The following NCOR2 variants were observed in gnomAD, a reference collection of about 807,000 sequenced individuals.
NCOR2 encodes the protein CTG repeat protein 26.
In NCOR2, 81 loss-of-function variants were observed where a neutral mutation model predicts 262.9. That is an observed-to-expected ratio of 0.31 (90% CI 0.26 to 0.37). The LOEUF (loss-of-function observed/expected upper bound fraction) is 0.37, where lower values mean the gene tolerates loss of function less well. Ranked by LOEUF, NCOR2 falls within the 10% of genes least tolerant of loss-of-function variation. The pLI is 1.00. For synonymous variants in NCOR2, 1,659 were observed against 1,559.3 expected (o/e 1.06, Z -1.51); for missense variants, 3,385 against 3,621.4 (o/e 0.93, Z 1.68).
intron 1 of NCOR2, among the ~76,000 whole-genome samples, chr12:124,529,179 C>CAAAA (rs148397454): frequency 7.9e-4 from 41 of 52,156 alleles, no homozygotes; most frequent in African/African-American, 1.2e-3. Flanking sequence ...AACTCCGACT[C>CAAAA]AAAAAAAAAA....
intron 1 of NCOR2, among the ~76,000 whole-genome samples, chr12:124,490,290 C>T (rs1043353602): frequency 3.9e-5 from 6 of 152,202 alleles, no homozygotes; most frequent in African/African-American, 1.4e-4. Context: ...CTTCCCAACT[C>T]GCCATTCCCC....
chr12:124,396,207 T>C (rs1175278481), intron 16 of NCOR2, among the ~76,000 whole-genome samples: 2 of 151,846 alleles, frequency 1.3e-5, no homozygotes, highest in East Asian at 1.9e-4. Context: ...GGACTGCTAA[T>C]GGGTATGGGA....
intron 25 of NCOR2, 83 bp downstream of exon 27, chr12:124,354,754 G>A: frequency 7.1e-7 from 1 of 1,415,136 alleles, no homozygotes; most frequent in Non-Finnish European, 9.7e-7. Context: ...CGTGGGCCAA[G>A]ATACCCCTTC....
intron 7 of NCOR2, 71 bp from the exon 10 acceptor site, chr12:124,438,067 T>C: frequency 6.9e-7 from 1 of 1,457,226 alleles, no homozygotes; most frequent in Non-Finnish European, 9.4e-7. Flanking sequence ...GCCATCCTGT[T>C]TGCTGAGAGT....
At chr12:124,412,663 G>A (rs1388012377) in intron 13 of NCOR2, among the ~76,000 whole-genome samples, 3 of 152,216 alleles carry the variant, frequency 2.0e-5, no homozygotes, top group Non-Finnish European at 2.9e-5. Flanking sequence ...AGCCCACCTC[G>A]GGCTTAACAA....
intron 16 of NCOR2, among the ~76,000 whole-genome samples, chr12:124,391,390 G>A (rs942806947): frequency 3.3e-4 from 50 of 151,948 alleles, no homozygotes; most frequent in African/African-American, 1.1e-3. Context: ...CATTTTCCCC[G>A]AGAAACTCAG....
intron 12 of NCOR2, among the ~76,000 whole-genome samples, chr12:124,421,394 C>T (rs1384259432): frequency 6.6e-6 from 1 of 152,238 alleles, no homozygotes; most frequent in Non-Finnish European, 1.5e-5. Flanking sequence ...GGAGCCCTAA[C>T]CTAGAGTCCG....
At chr12:124,468,982 C>G (rs1287473859) in intron 4 of NCOR2, among the ~76,000 whole-genome samples, 1 of 126,418 alleles carries the variant, frequency 7.9e-6, no homozygotes, top group African/African-American at 3.0e-5. Flanking sequence ...CCCCCATCAC[C>G]CTCATCCTCA....
At chr12:124,525,282 G>T (rs1333599702) in intron 1 of NCOR2, among the ~76,000 whole-genome samples, 1 of 152,134 alleles carries the variant, frequency 6.6e-6, no homozygotes, top group Non-Finnish European at 1.5e-5. Context: ...CCTCCTTATT[G>T]TCCAGGGCCC....
At chr12:124,499,084 T>C (rs796844351), upstream of NCOR2, among the ~76,000 whole-genome samples, 11 of 152,230 alleles carry the variant, frequency 7.2e-5, no homozygotes, top group African/African-American at 2.2e-4. Context: ...GCACTGCGAA[T>C]AGGGAAAAAA....
At chr12:124,394,153 G>A (rs1414603588) in intron 16 of NCOR2, among the ~76,000 whole-genome samples, 3 of 152,254 alleles carry the variant, frequency 2.0e-5, no homozygotes, top group South Asian at 2.1e-4. Flanking sequence ...TGGAGACTGC[G>A]CCCTAAGCTA....
Position 124,482,899 on chromosome 12 carries a change from A to G in NCOR2, c.411+697T>C, listed in dbSNP as rs1334025572. Among the ~76,000 whole-genome samples, 1 of 152,194 alleles carries G rather than the reference A, an allele frequency of 6.6e-6. No homozygotes were observed. Among genetic ancestry groups the G allele is most frequent in the East Asian group, 1.9e-4 (1 of 5,198 alleles). ...CCAAGGAGCAGCCAGACTGGGCAGT[A>G]GAAGGCGGCTTTGTCATTCTAGGGG... On this transcript the variant is annotated intron_variant, in intron 3 of 46. Coordinates refer to ENST00000405201, the Ensembl canonical transcript of NCOR2. This position sits in a 1 kb window ranked among gnomAD's most constrained non-coding sequence, Gnocchi z 6.3.
rs370026007 is a variant in NCOR2 at position 124,400,462 on chromosome 12, C to T, written c.1813+39G>A. The T allele has an allele frequency of 2.5e-6, 4 of 1,600,920 alleles. No homozygotes were observed. The African/African-American group carries it at 5.4e-5, about 21-fold the overall frequency. On this transcript the variant is annotated intron_variant, in intron 15 of 46. Coordinates refer to ENST00000405201, the Ensembl canonical transcript of NCOR2. ...ATATGAGCGCAACCCGCCGTGTCTC[C>T]AGCCCCTTCCCCACCCGCATCCCTG...
At chr12:124,489,923 C>G (rs1035873275) in intron 1 of NCOR2, among the ~76,000 whole-genome samples, 1 of 152,048 alleles carries the variant, frequency 6.6e-6, no homozygotes, top group African/African-American at 2.4e-5. Context: ...GCTCCTTACT[C>G]CAGAAGGTGT....
rs2045708770 is a variant in NCOR2 at position 124,454,141 on chromosome 12, G to T, written c.762+2965C>A. ...GGCCTGGCAGATCTGTGCAGAACTG[G>T]CCGGCCGCTCTCCCAGGGGCTCAGC... On this transcript the variant is annotated intron_variant, in intron 6 of 46. Coordinates refer to ENST00000405201, the Ensembl canonical transcript of NCOR2. This position sits in a 1 kb window ranked among gnomAD's most constrained non-coding sequence, Gnocchi z 5.6. 1.3e-5 allele frequency among the ~76,000 whole-genome samples: 2 copies of T among 152,116 alleles called. No individual in the cohort carries two copies. Among genetic ancestry groups the T allele is most frequent in the Admixed American group, 1.3e-4 (2 of 15,280 alleles).
intron 27 of NCOR2, 30 bp downstream of exon 29, chr12:124,354,063 G>T (rs542665035): frequency 1.3e-6 from 2 of 1,588,158 alleles, no homozygotes; most frequent in African/African-American, 1.3e-5. Flanking sequence ...GGTCCCAACC[G>T]TCCTTCCTGC....
chr12:124,354,720 C>T (rs1289763716), intron 25 of NCOR2, 117 bp downstream of exon 27: 3 of 1,291,924 alleles, frequency 2.3e-6, no homozygotes, highest in African/African-American at 1.5e-5. Context: ...TGAGGGGGGA[C>T]CTCCCAGCTG....
chr12:124,440,877 G>A lies in NCOR2; in HGVS notation c.816-2881C>T, dbSNP rs964906210. ...GCTCTGGGAAGATCCAGAAGGAAGG[G>A]AACTCCAGCTGGAGGGCACCGCAGG... On this transcript the variant is annotated intron_variant, in intron 7 of 46. Coordinates refer to ENST00000405201, the Ensembl canonical transcript of NCOR2. This position sits in a 1 kb window ranked among gnomAD's most constrained non-coding sequence, Gnocchi z 5.7. Among the ~76,000 whole-genome samples, 5 of 152,126 alleles carry A rather than the reference G, an allele frequency of 3.3e-5. No individual in the cohort carries two copies. The highest frequency in any genetic ancestry group is 1.2e-4 in the African/African-American group (5 of 41,422).
In NCOR2 at chr12:124,354,820, T is replaced by C. The variant is rs764194265; in HGVS notation, c.3484+17A>G. ...GCCCAGCCTGAGCCACCCAGACGGA[T>C]GGGCCAGGAGCCTTACCCAGCTTTT... On this transcript the variant is annotated intron_variant, in intron 25 of 46. Transcript: ENST00000405201. 1.2e-6 allele frequency: 2 copies of C among 1,608,814 alleles called. No homozygotes were observed. The highest frequency in any genetic ancestry group is 1.1e-5 in the South Asian group (1 of 90,766).
Sources: gnomAD v4.1 joint callset for allele counts (sites outside exome capture counted in the v4.1 genomes callset) on GRCh38, gnomAD v4.1.1 for gene constraint, Gnocchi (gnomAD v3.1) non-coding constraint, MANE v1.5 for transcripts, NCBI Gene and HGNC (gene_info 2026-07-23, HGNC 2026-07-21) for gene names.